The following L3MBTL3 variants were observed in gnomAD, a reference collection of about 807,000 sequenced individuals.
L3MBTL3 encodes the protein L3MBTL histone methyl-lysine binding protein 3, also known as lethal(3)malignant brain tumor-like protein 3.
L3MBTL3 carries 27 observed loss-of-function variants against 102.3 expected under a neutral mutation model. That is an observed-to-expected ratio of 0.26 (90% confidence interval 0.19 to 0.36). The LOEUF (loss-of-function observed/expected upper bound fraction) is 0.36. Ranked by LOEUF, L3MBTL3 falls within the 10% of genes least tolerant of loss-of-function variation. The pLI is 1.00. For synonymous variants in L3MBTL3, 340 were observed against 320.9 expected (o/e 1.06, Z -0.64); for missense variants, 798 against 955.3 (o/e 0.84, Z 2.17).
intron 19 of L3MBTL3, among the ~76,000 whole-genome samples, chr6:130,114,181 A>T (rs929428645): frequency 2.6e-5 from 4 of 152,154 alleles, no homozygotes; most frequent in African/African-American, 9.7e-5. Context: ...ATGTACCCCA[A>T]AGAGTAGCTT....
At chr6:130,108,967 T>C (rs1785175105) in intron 19 of L3MBTL3, among the ~76,000 whole-genome samples, 1 of 152,172 alleles carries the variant, frequency 6.6e-6, no homozygotes, top group Admixed American at 6.5e-5. Flanking sequence ...TTTGGTTTTC[T>C]GTTCCTTTGT....
chr6:130,081,853 A>G (rs528713770), intron 14 of L3MBTL3, among the ~76,000 whole-genome samples: 1 of 152,300 alleles, frequency 6.6e-6, no homozygotes, highest in East Asian at 1.9e-4. Flanking sequence ...TGTCCTAGTG[A>G]TGTTATTCCT....
rs1330962612 is a variant in L3MBTL3 at position 130,133,537 on chromosome 6, C to G, written c.2052C>G (p.Pro684=). The stretch of plus-strand genomic sequence containing the variant: ...TTAAGTCCCCAATTCCATGTCTGCC[C>G]TTGCGCTGGGAGCAGCAAAGCAAAC... The part of the protein sequence containing the change: ...LSFKSPIPCL[P]LRWEQQSKLL... Residue 684 remains proline (P), a synonymous_variant, in exon 21 of 23, where the codon CCC becomes CCG. Coordinates refer to ENST00000361794, the MANE Select transcript of L3MBTL3 (RefSeq NM_032438.4). This position sits in a 1 kb window ranked among gnomAD's most constrained non-coding sequence, Gnocchi z 4.9. 5.0e-6 allele frequency: 8 copies of G among 1,614,026 alleles called. No homozygotes were observed. Among genetic ancestry groups the G allele is most frequent in the Non-Finnish European group, 6.8e-6 (8 of 1,180,014 alleles).
At chr6:130,039,846 T>G (rs1780309426) in intron 2 of L3MBTL3, among the ~76,000 whole-genome samples, 1 of 152,154 alleles carries the variant, frequency 6.6e-6, no homozygotes, top group African/African-American at 2.4e-5. Context: ...GAAAATCTGG[T>G]TTCATGCATG....
At chr6:130,116,087 G>C (rs933556377) in intron 19 of L3MBTL3, among the ~76,000 whole-genome samples, 5 of 152,128 alleles carry the variant, frequency 3.3e-5, no homozygotes, top group Non-Finnish European at 7.4e-5. Context: ...TCTGTGCTTG[G>C]AACCATTACT....
At chr6:130,120,733 C>A (rs1786102072) in intron 19 of L3MBTL3, 146 bp from the exon 20 acceptor site, 4 of 584,148 alleles carry the variant, frequency 6.8e-6, no homozygotes, top group Non-Finnish European at 1.2e-5. Flanking sequence ...TAATTAATTG[C>A]CTTGTAGGAG....
At chr6:130,053,894 G>A (rs1043145001) in intron 7 of L3MBTL3, among the ~76,000 whole-genome samples, 1 of 152,164 alleles carries the variant, frequency 6.6e-6, no homozygotes, top group African/African-American at 2.4e-5. Flanking sequence ...ACAAATAGAT[G>A]ACATAGAGTC....
chr6:130,114,346 T>G (rs571199533), intron 19 of L3MBTL3, among the ~76,000 whole-genome samples: 4 of 152,202 alleles, frequency 2.6e-5, no homozygotes, highest in Non-Finnish European at 5.9e-5. Context: ...TCTCCTTGAA[T>G]ATCACCAATT....
intron 19 of L3MBTL3, among the ~76,000 whole-genome samples, chr6:130,115,388 T>G (rs1357701470): frequency 6.6e-6 from 1 of 152,222 alleles, no homozygotes; most frequent in African/African-American, 2.4e-5. Context: ...TCTGCCTCCT[T>G]TCCTGCTGGA....
Position 130,060,142 on chromosome 6 carries a change from T to A in L3MBTL3, c.864+2T>A. 1 of 1,555,814 alleles carries A rather than the reference T, an allele frequency of 6.4e-7. No individual in the cohort carries two copies. The highest frequency in any genetic ancestry group is 8.8e-7 in the Non-Finnish European group (1 of 1,137,278). ...TACTGTGTCCTCACCGTCGCGGAGG[T>A]AAGCTTTGCCTCGTCCTTTATTTTT... is the stretch of plus-strand genomic sequence containing the variant. On this transcript the variant is annotated splice_donor_variant, in intron 10 of 22. Coordinates refer to ENST00000361794, the MANE Select transcript of L3MBTL3 (RefSeq NM_032438.4). LOFTEE classifies it high-confidence loss of function.
rs1786128952 is a variant in L3MBTL3, at chr6:130,120,951, A to C, written c.1959A>C (p.Glu653Asp). Reference sequence around the variant, plus strand: ...AAAGTGAAATGAGAACATCACATGAAGCCAGAGGTAGCCATAATAATTCTC... The same window carrying C: ...AAAGTGAAATGAGAACATCACATGACGCCAGAGGTAGCCATAATAATTCTC... ...RTESEMRTSH[E>D]ARGAREEPTV... The change falls in exon 20 of 23, where the codon GAA becomes GAC. Residue 653 changes from glutamate (E) to aspartate (D), a missense_variant. Physicochemically the swap from Glu to Asp is conservative, Grantham distance 45. Around this residue, in one of 4 missense-constraint regions of L3MBTL3, gnomAD observed 306 missense variants for 314.4 expected, o/e 0.97. Transcript: ENST00000361794. 6.2e-7 allele frequency: 1 copy of C among 1,604,064 alleles called. No individual in the cohort carries two copies. The highest frequency in any genetic ancestry group is 1.3e-5 in the African/African-American group (1 of 74,734).
Position 130,051,293 on chromosome 6 carries a change from G to C in L3MBTL3, c.334G>C (p.Val112Leu). 1 of 1,614,040 alleles carries C rather than the reference G, an allele frequency of 6.2e-7. No individual in the cohort carries two copies. Among genetic ancestry groups the C allele is most frequent in the Non-Finnish European group, 8.5e-7 (1 of 1,179,892 alleles). Residue 112 changes from valine to leucine, a missense_variant, in exon 6 of 23, where the codon GTG (valine) becomes CTG (leucine). Val to Leu is a conservative substitution (Grantham distance 32, BLOSUM62 1). Transcript: ENST00000361794. ...GATGCCTTTCAGGTTGAAGGATCCA[G>C]TGAAAGTAGAAGGGCTTCAGTTCTG... is the stretch of plus-strand genomic sequence containing the variant. Reference protein sequence around the residue: ...TGMPFRLKDPVKVEGLQFCEN... With the variant: ...TGMPFRLKDPLKVEGLQFCEN...
chr6:130,120,241 C>CAT (rs1204205594), intron 19 of L3MBTL3, among the ~76,000 whole-genome samples: 3 of 152,016 alleles, frequency 2.0e-5, no homozygotes, highest in South Asian at 2.1e-4. Flanking sequence ...TTTAAAAAAA[C>CAT]AAACAAACCC....
At position 130,066,428 on chromosome 6, in the gene L3MBTL3, C is replaced by G. The variant is rs1168779986; in HGVS notation, c.940C>G (p.Leu314Val). ...CYDFWVNADA[L>V]DIHPVGWCEK... Reference sequence around the variant, plus strand: ...TGACTTCTGGGTGAATGCAGACGCTCTGGATATCCACCCAGTTGGGTGGTG... The same window carrying G: ...TGACTTCTGGGTGAATGCAGACGCTGTGGATATCCACCCAGTTGGGTGGTG... The change falls in exon 11 of 23, where the codon CTG (leucine) becomes GTG (valine). Residue 314 changes from leucine (L) to valine (V), a missense_variant. Transcript: ENST00000361794. 1.2e-6 allele frequency: 2 copies of G among 1,611,964 alleles called. No homozygotes were observed. The highest frequency in any genetic ancestry group is 1.3e-5 in the African/African-American group (1 of 74,832).
At position 130,070,071 on chromosome 6, in the gene L3MBTL3, G is replaced by C. The variant is rs183810165; in HGVS notation, c.1093-905G>C. On this transcript the variant is annotated intron_variant, in intron 12 of 22. Transcript: ENST00000361794. Reference sequence around the variant, plus strand: ...GCCTAAAGTAGTTAGAATAATATCTGTATAATTGAGTCTAACAGAGGTTTT... The same window carrying C: ...GCCTAAAGTAGTTAGAATAATATCTCTATAATTGAGTCTAACAGAGGTTTT... 2.0e-5 allele frequency among the ~76,000 whole-genome samples: 3 copies of C among 152,226 alleles called. No individual in the cohort carries two copies. In the East Asian group the frequency reaches 5.8e-4, roughly 29 times the overall value.
At chr6:130,032,934 C>G (rs965019236) in intron 2 of L3MBTL3, among the ~76,000 whole-genome samples, 1 of 152,038 alleles carries the variant, frequency 6.6e-6, no homozygotes, top group Admixed American at 6.6e-5. Flanking sequence ...TTGAGGCTGC[C>G]GTGATCCATG....
At position 130,070,998 on chromosome 6, in the gene L3MBTL3, G is replaced by A; in HGVS notation, c.1115G>A (p.Arg372Gln). ...QNITVIPSGF[R>Q]VGMKLEAVDK... Reference sequence around the variant, plus strand: ...TAGACAGTGATCCCATCGGGCTTTCGAGTTGGTATGAAGCTTGAGGCAGTA... The same window carrying A: ...TAGACAGTGATCCCATCGGGCTTTCAAGTTGGTATGAAGCTTGAGGCAGTA... The change falls in exon 13 of 23, where the codon CGA (arginine) becomes CAA (glutamine). Residue 372 changes from arginine (R) to glutamine (Q), a missense_variant. This residue lies in a region of L3MBTL3 where 434 missense variants were observed against 506.6 expected (regional missense o/e 0.86). Coordinates refer to ENST00000361794, the MANE Select transcript of L3MBTL3 (RefSeq NM_032438.4). 1 of 1,613,156 alleles carries A rather than the reference G, an allele frequency of 6.2e-7. No homozygotes were observed. The highest frequency in any genetic ancestry group is 8.5e-7 in the Non-Finnish European group (1 of 1,179,488).
chr6:130,118,559 G>A (rs1785892100), intron 19 of L3MBTL3, among the ~76,000 whole-genome samples: 1 of 151,686 alleles, frequency 6.6e-6, no homozygotes, highest in African/African-American at 2.4e-5. Flanking sequence ...TAGAACCTCA[G>A]GGGTATAGGC....
At chr6:130,030,103 C>A (rs1779613998) in intron 2 of L3MBTL3, among the ~76,000 whole-genome samples, 1 of 152,098 alleles carries the variant, frequency 6.6e-6, no homozygotes, top group Non-Finnish European at 1.5e-5. Context: ...TTTTGATTCA[C>A]CTGCCTCGGT....
Sources: allele counts gnomAD v4.1 joint callset (sites outside exome capture counted in the v4.1 genomes callset), GRCh38; gene constraint gnomAD v4.1.1; regional missense constraint gnomAD v4.1.1; non-coding constraint Gnocchi (gnomAD v3.1); transcripts MANE v1.5; gene names NCBI Gene and HGNC (gene_info 2026-07-23, HGNC 2026-07-21).